The following ACVR2A variants were observed in gnomAD, a reference collection of about 807,000 sequenced individuals.
ACVR2A encodes the protein activin A receptor type 2A.
Under a neutral mutation model 61.4 loss-of-function variants are expected in ACVR2A, and 7 were observed. The observed-to-expected ratio is 0.11, with a 90% CI of 0.06 to 0.21. The LOEUF (loss-of-function observed/expected upper bound fraction) is 0.21, where lower values mean the gene tolerates loss of function less well. Ranked by LOEUF, ACVR2A falls within the 10% of genes least tolerant of loss-of-function variation. The probability of loss-of-function intolerance (pLI) is 1.00; values close to 1 mark genes in which losing one functional copy is unlikely to be tolerated. For synonymous variants in ACVR2A, 193 were observed against 208.3 expected, an observed-to-expected ratio of 0.93 and a Z score of 0.63; for missense variants, 322 against 621.7, an observed-to-expected ratio of 0.52 and a Z score of 5.13.
rs79007929 is a variant in ACVR2A at position 147,864,750 on chromosome 2, A to T, written c.55+19543A>T. 7.0e-3 allele frequency among the ~76,000 whole-genome samples: 1,060 copies of T among 152,322 alleles called. 13 individuals are homozygous for T. Among genetic ancestry groups the T allele is most frequent in the African/African-American group, 0.024 (989 of 41,558 alleles). On this transcript the variant is annotated intron_variant, in intron 1 of 10. Coordinates refer to ENST00000241416, the MANE Select transcript of ACVR2A (RefSeq NM_001616.5). ...AAATATAGCCATAATCCGTTTAGTT[A>T]TAATTTCCATTATAATTAAACAATA... is the stretch of plus-strand genomic sequence containing the variant.
chr2:147,854,857 A>T (rs1471047035), intron 1 of ACVR2A, among the ~76,000 whole-genome samples: 1 of 151,964 alleles, frequency 6.6e-6, no homozygotes, highest in African/African-American at 2.4e-5. Context: ...GCCTTATCAC[A>T]TATCACATCT....
chr2:147,918,476 T>C lies in ACVR2A; in HGVS notation c.846T>C (p.Asn282=), dbSNP rs1687305587. 1.2e-6 allele frequency: 2 copies of C among 1,611,300 alleles called. No homozygotes were observed. Among genetic ancestry groups the C allele is most frequent in the Non-Finnish European group, 1.7e-6 (2 of 1,178,700 alleles). ...CACTATCAGACTTTCTTAAGGCTAATGTGGTCTCTTGGAATGAACTGTGTC... is the reference window on the plus strand; with the variant it reads ...CACTATCAGACTTTCTTAAGGCTAACGTGGTCTCTTGGAATGAACTGTGTC... The part of the protein sequence containing the change: ...KGSLSDFLKA[N]VVSWNELCHI... The change falls in exon 7 of 11, where the codon AAT becomes AAC. Residue 282 remains asparagine (N), a synonymous_variant. Transcript: ENST00000241416.
At position 147,899,837 on chromosome 2, in the gene ACVR2A, G is replaced by T; in HGVS notation, c.467G>T (p.Cys156Phe). Reference protein sequence around the residue: ...PLMLIAGIVICAFWVYRHHKM... With the variant: ...PLMLIAGIVIFAFWVYRHHKM... ...ATGTTAATTGCGGGGATTGTCATTT[G>T]TGCATTTTGGGTGTACAGGCATCAC... Residue 156 changes from cysteine (C) to phenylalanine (F), a missense_variant, in exon 4 of 11, where the codon TGT (cysteine) becomes TTT (phenylalanine). Coordinates refer to ENST00000241416, the MANE Select transcript of ACVR2A (RefSeq NM_001616.5). 7 of 1,613,666 alleles carry T rather than the reference G, an allele frequency of 4.3e-6. No homozygotes were observed. Among genetic ancestry groups the T allele is most frequent in the Non-Finnish European group, 5.9e-6 (7 of 1,179,736 alleles).
Position 147,919,136 on chromosome 2 carries a change from G to A in ACVR2A, c.962+544G>A, listed in dbSNP as rs535701400. Among the ~76,000 whole-genome samples, 10 of 152,186 alleles carry A rather than the reference G, an allele frequency of 6.6e-5. No individual in the cohort carries two copies. The South Asian group carries it at 1.9e-3, about 28-fold the overall frequency. ...AGTTTGCCATGTATTTAATTTTCTT[G>A]AACGTGGGATTCAATTTGTTGTCTT... On this transcript the variant is annotated intron_variant, in intron 7 of 10. Transcript: ENST00000241416.
rs1461846485 is a variant in ACVR2A at position 147,887,207 on chromosome 2, G to A, written c.56-9094G>A. Among the ~76,000 whole-genome samples, 4 of 147,804 alleles carry A rather than the reference G, an allele frequency of 2.7e-5. No homozygotes were observed. In the East Asian group the frequency reaches 7.9e-4, roughly 29 times the overall value. On this transcript the variant is annotated intron_variant, in intron 1 of 10. Transcript: ENST00000241416. ...AGCCTAGGCTATAGAGCGAGATCTT[G>A]TCTCAAAAAAAAAAAAAAGTTTAAA...
At chr2:147,899,954 T>C (rs1686833240) in intron 4 of ACVR2A, 56 bp downstream of exon 4, 3 of 1,551,096 alleles carry the variant, frequency 1.9e-6, no homozygotes, top group South Asian at 2.4e-5. Context: ...TTGAGAAATA[T>C]TACTGTGGTG....
intron 2 of ACVR2A, chr2:147,898,185 A>G (rs965877410): frequency 2.6e-5 from 4 of 152,162 alleles, no homozygotes; most frequent in African/African-American, 9.7e-5. Context: ...GTTAAATGCT[A>G]ATTTTAAACT....
At chr2:147,859,166 A>C (rs1001337299) in intron 1 of ACVR2A, among the ~76,000 whole-genome samples, 2 of 152,144 alleles carry the variant, frequency 1.3e-5, no homozygotes, top group Non-Finnish European at 2.9e-5. Flanking sequence ...TTTACCCCCA[A>C]GAATAACTCT....
chr2:147,889,679 G>A (rs1686532462), intron 1 of ACVR2A, among the ~76,000 whole-genome samples: 1 of 151,974 alleles, frequency 6.6e-6, no homozygotes, highest in African/African-American at 2.4e-5. Context: ...CCCAGGAGGC[G>A]GAGGTTGCAG....
At chr2:147,908,773 C>T (rs868660865) in intron 4 of ACVR2A, among the ~76,000 whole-genome samples, 6 of 152,108 alleles carry the variant, frequency 3.9e-5, no homozygotes, top group Middle Eastern at 3.4e-3. Context: ...CTTAATTCGT[C>T]TTGGTAGTCC....
intron 2 of ACVR2A, 80 bp from the exon 3 acceptor site, chr2:147,899,378 T>G (rs552813462): frequency 2.2e-6 from 2 of 903,010 alleles, no homozygotes; most frequent in African/African-American, 3.5e-5. Context: ...ATTTATTATT[T>G]TATTGCAGAA....
intron 8 of ACVR2A, among the ~76,000 whole-genome samples, chr2:147,921,767 C>A (rs1687387028): frequency 6.6e-6 from 1 of 152,036 alleles, no homozygotes; most frequent in South Asian, 2.1e-4. Context: ...ACCTCATAAG[C>A]CCTCCCTCAT....
At chr2:147,890,595 AT>A (rs892680309) in intron 1 of ACVR2A, among the ~76,000 whole-genome samples, 46 of 152,212 alleles carry the variant, frequency 3.0e-4, no homozygotes, top group Admixed American at 2.7e-3. Flanking sequence ...TTTTATACTT[AT>A]TTATTTCTTT....
intron 1 of ACVR2A, among the ~76,000 whole-genome samples, chr2:147,874,339 C>G (rs371939489): frequency 6.6e-6 from 1 of 151,872 alleles, no homozygotes; most frequent in African/African-American, 2.4e-5. Context: ...TATGTAGCAA[C>G]TTTGACTAGT....
intron 1 of ACVR2A, among the ~76,000 whole-genome samples, chr2:147,849,227 C>T (rs1685391165): frequency 1.3e-5 from 2 of 152,030 alleles, no homozygotes; most frequent in South Asian, 4.1e-4. Flanking sequence ...ATTATATTTG[C>T]TTTAGATCCA....
intron 1 of ACVR2A, among the ~76,000 whole-genome samples, chr2:147,848,366 C>G (rs542849983): frequency 4.5e-4 from 68 of 152,228 alleles, no homozygotes; most frequent in African/African-American, 1.6e-3. Flanking sequence ...CTCCCTACTT[C>G]CCCAGATCCC....
chr2:147,872,714 A>T (rs904076885), intron 1 of ACVR2A, among the ~76,000 whole-genome samples: 1 of 151,606 alleles, frequency 6.6e-6, no homozygotes, highest in African/African-American at 2.4e-5. Context: ...AGCATTTTGT[A>T]TGCATTTAGT....
intron 8 of ACVR2A, among the ~76,000 whole-genome samples, chr2:147,921,531 C>T (rs1231869071): frequency 6.6e-6 from 1 of 152,122 alleles, no homozygotes. Context: ...TGTCATGGCA[C>T]CACCAATTTT....
intron 1 of ACVR2A, among the ~76,000 whole-genome samples, chr2:147,854,926 G>T (rs1004331170): frequency 2.0e-5 from 3 of 151,884 alleles, no homozygotes; most frequent in Non-Finnish European, 4.4e-5. Flanking sequence ...CTGTTGGCCA[G>T]GCTGGAGTGC....
Sources: gnomAD v4.1 joint callset for allele counts (sites outside exome capture counted in the v4.1 genomes callset) on GRCh38, gnomAD v4.1.1 for gene constraint, MANE v1.5 for transcripts, NCBI Gene and HGNC (gene_info 2026-07-23, HGNC 2026-07-21) for gene names.